ELF4: variants seen among roughly 807,000 people sequenced by gnomAD.
ELF4 encodes E74 like ETS transcription factor 4.
In ELF4, 10 loss-of-function variants were observed where a neutral mutation model predicts 31.7. The ratio of observed to expected loss-of-function variants is 0.32; its 90% CI spans 0.19 to 0.54. The LOEUF (loss-of-function observed/expected upper bound fraction) is 0.54, where lower values mean the gene tolerates loss of function less well. Among genes scored for constraint, ELF4 ranks in the 20% least tolerant of loss-of-function variants. The pLI is 0.95. For missense variants in ELF4, 418 were observed against 522.0 expected (o/e 0.80, Z 1.94); for synonymous variants, 208 against 226.7 (o/e 0.92, Z 0.74).
At chrX:130,101,518 C>T (rs1003002294) in intron 1 of ELF4, among the ~76,000 whole-genome samples, 12 of 111,864 alleles carry the variant, frequency 1.1e-4, no homozygotes, top group South Asian at 3.7e-4. Context: ...ACAAGCCGGG[C>T]GCGGTGGCTC....
chrX:130,107,013 C>T (rs1034144032), intron 1 of ELF4, among the ~76,000 whole-genome samples: 1 of 112,483 alleles, frequency 8.9e-6, no homozygotes, highest in Non-Finnish European at 1.9e-5. Context: ...CAATGGCTCA[C>T]GCCTGTAATC....
At chrX:130,081,043 G>A (rs1932883030) in intron 2 of ELF4, among the ~76,000 whole-genome samples, 1 of 112,861 alleles carries the variant, frequency 8.9e-6, no homozygotes, top group Admixed American at 9.4e-5. Flanking sequence ...CTAAATGACT[G>A]CCCGGTGACT....
rs201836552 is a variant in ELF4, at chrX:130,063,972, T to TTTATTA, written c.*2743_*2748dup. On this transcript the variant is annotated 3_prime_UTR_variant, in exon 9 of 9. Coordinates refer to ENST00000308167, the MANE Select transcript of ELF4 (RefSeq NM_001421.4). ...TGACGGCCTTTTTGTTTGCTTGATT[T>TTTATTA]TTATTATTATTATTATTATTATTAT... 0.12 allele frequency among the ~76,000 whole-genome samples: 10,981 copies of TTTATTA among 93,180 alleles called. 714 individuals are homozygous for TTTATTA. Among genetic ancestry groups the TTTATTA allele is most frequent in the Admixed American group, 0.21 (1,720 of 8,089 alleles). 80.9% of individuals were successfully genotyped at this position (93,180 alleles called of 115,157 possible).
chrX:130,104,305 C>CAT (rs1212103429), intron 1 of ELF4, among the ~76,000 whole-genome samples: 2 of 109,434 alleles, frequency 1.8e-5, no homozygotes, highest in Non-Finnish European at 1.9e-5. Context: ...CACACACACA[C>CAT]ACACACACAC....
intron 3 of ELF4, 64 bp downstream of exon 3, chrX:130,074,517 G>A: frequency 1.7e-6 from 2 of 1,199,865 alleles, no homozygotes. Context: ...ATTGTGGGCT[G>A]CTGTTCCCTA....
rs185015568 is a variant in ELF4 at position 130,069,713 on chromosome X, G to A, written c.810-36C>T. The stretch of plus-strand genomic sequence containing the variant: ...AGGGGCAGGGAGTTGGGAGTTAGCC[G>A]GGAGCTGGGTGGGAGACCTTCTACC... On this transcript the variant is annotated intron_variant, in intron 7 of 8. Coordinates refer to ENST00000308167, the MANE Select transcript of ELF4 (RefSeq NM_001421.4). The A allele has an allele frequency of 1.6e-4, 189 of 1,206,317 alleles. No individual in the cohort carries two copies. The Admixed American group carries it at 3.9e-3, about 25-fold the overall frequency.
intron 2 of ELF4, 57 bp from the exon 3 acceptor site, chrX:130,074,809 C>T: frequency 8.5e-7 from 1 of 1,180,644 alleles, no homozygotes; most frequent in South Asian, 1.8e-5. Context: ...AGCAAACCCT[C>T]CCTACCAGAA....
intron 1 of ELF4, among the ~76,000 whole-genome samples, chrX:130,082,527 ATCT>A (rs1932900269): frequency 9.0e-6 from 1 of 111,639 alleles, no homozygotes; most frequent in African/African-American, 3.3e-5. Context: ...TTTCCAGGAA[ATCT>A]TCTGTGTCTG....
intron 8 of ELF4, among the ~76,000 whole-genome samples, chrX:130,067,946 G>C (rs1932725959): frequency 8.9e-6 from 1 of 111,806 alleles, no homozygotes; most frequent in African/African-American, 3.3e-5. Flanking sequence ...CCAAGTAGCT[G>C]GGATTATAGG....
At chrX:130,093,398 C>T (rs1933093210) in intron 1 of ELF4, among the ~76,000 whole-genome samples, 1 of 111,560 alleles carries the variant, frequency 9.0e-6, no homozygotes, top group Non-Finnish European at 1.9e-5. Flanking sequence ...ACATATGGGT[C>T]AAGGGTAGAG....
intron 2 of ELF4, among the ~76,000 whole-genome samples, chrX:130,076,039 G>A (rs2124618306): frequency 9.0e-6 from 1 of 111,615 alleles, no homozygotes; most frequent in South Asian, 3.8e-4. Flanking sequence ...TGGGACATCT[G>A]AAATAGAGAC....
In ELF4 at chrX:130,088,569, G is replaced by A. The variant is rs766859360; in HGVS notation, c.-209-7030C>T. On this transcript the variant is annotated intron_variant, in intron 1 of 8. Transcript: ENST00000308167. ...TCTACTATAAATACAAAAATTAGCC[G>A]GAGTGTGGCGGCGTGCACCTGTAAT... Among the ~76,000 whole-genome samples, 56 of 110,923 alleles carry A rather than the reference G, an allele frequency of 5.0e-4. 1 individual carries two copies. In the Middle Eastern group the frequency reaches 0.014, roughly 27 times the overall value.
intron 1 of ELF4, among the ~76,000 whole-genome samples, chrX:130,082,598 A>G (rs933861040): frequency 4.5e-5 from 5 of 110,853 alleles, no homozygotes; most frequent in African/African-American, 1.6e-4. Flanking sequence ...ACGGTGTCAC[A>G]TGGCGTCCGG....
upstream of ELF4, among the ~76,000 whole-genome samples, chrX:130,110,934 C>T (rs1032437405): frequency 2.3e-5 from 2 of 85,307 alleles, no homozygotes; most frequent in African/African-American, 8.6e-5. Flanking sequence ...ATGGGGCGGG[C>T]GCGAAGGAGG....
At chrX:130,081,677 A>T in intron 1 of ELF4, 138 bp from the exon 2 acceptor site, 1 of 300,721 alleles carries the variant, frequency 3.3e-6, no homozygotes. Context: ...CGGGAGGATG[A>T]TGAGAGAAGA....
chrX:130,087,492 A>G (rs991976666), intron 1 of ELF4, among the ~76,000 whole-genome samples: 1 of 112,087 alleles, frequency 8.9e-6, no homozygotes, highest in African/African-American at 3.2e-5. Flanking sequence ...TTCTTTTTTT[A>G]TTTTTTGAGA....
chrX:130,087,150 T>C (rs1413508435), intron 1 of ELF4, among the ~76,000 whole-genome samples: 1 of 112,557 alleles, frequency 8.9e-6, no homozygotes, highest in Non-Finnish European at 1.9e-5. Context: ...CACATCACCA[T>C]CTCTAGTGCT....
chrX:130,068,562 A>C (rs1454301251), intron 8 of ELF4, among the ~76,000 whole-genome samples: 1 of 112,234 alleles, frequency 8.9e-6, no homozygotes, highest in Non-Finnish European at 1.9e-5. Flanking sequence ...GTGCCAGTGT[A>C]GTGGGAGGTC....
Position 130,101,528 on chromosome X carries a change from C to G in ELF4, c.-210+8797G>C, listed in dbSNP as rs765893013. Among the ~76,000 whole-genome samples the G allele has an allele frequency of 4.5e-5, 5 of 111,866 alleles. No individual in the cohort carries two copies. The East Asian group carries it at 1.4e-3, about 31-fold the overall frequency. On this transcript the variant is annotated intron_variant, in intron 1 of 8. Coordinates refer to ENST00000308167, the MANE Select transcript of ELF4 (RefSeq NM_001421.4). ...AAAAAACAAGCCGGGCGCGGTGGCTCGTGCCTGTAATCCCAGCACTTTGGA... is the reference window on the plus strand; with the variant it reads ...AAAAAACAAGCCGGGCGCGGTGGCTGGTGCCTGTAATCCCAGCACTTTGGA...
Sources: gnomAD v4.1 joint callset for allele counts (sites outside exome capture counted in the v4.1 genomes callset) on GRCh38, gnomAD v4.1.1 for gene constraint, MANE v1.5 for transcripts, NCBI Gene and HGNC (gene_info 2026-07-23, HGNC 2026-07-21) for gene names.